The following LYPD6B variants were observed in gnomAD, a reference collection of about 807,000 sequenced individuals.
LYPD6B encodes the protein ly6/PLAUR domain-containing protein 6B.
Under a neutral mutation model 22.8 loss-of-function variants are expected in LYPD6B, and 17 were observed. The ratio of observed to expected loss-of-function variants is 0.75; its 90% CI spans 0.51 to 1.12. LYPD6B has a LOEUF of 1.12. Ranked by LOEUF, LYPD6B falls within the 50% of genes most tolerant of loss-of-function variation. The pLI, the probability that LYPD6B is intolerant of heterozygous loss-of-function variation, is 0.00. For missense variants in LYPD6B, 221 were observed against 258.3 expected (o/e 0.86, Z 0.99); for synonymous variants, 106 against 91.6 (o/e 1.16, Z -0.90).
chr2:149,149,185 G>A (rs890967337), intron 2 of LYPD6B, among the ~76,000 whole-genome samples: 2 of 152,118 alleles, frequency 1.3e-5, no homozygotes, highest in Non-Finnish European at 2.9e-5. Context: ...ACCATTAAAA[G>A]TAATGGCAAA....
At chr2:149,206,661 A>G (rs1015131212) in intron 4 of LYPD6B, among the ~76,000 whole-genome samples, 1 of 152,170 alleles carries the variant, frequency 6.6e-6, no homozygotes, top group Non-Finnish European at 1.5e-5. Flanking sequence ...CGGAAAACAT[A>G]TAGAAGAAAA....
At chr2:149,140,428 GCTAAGCGAGGTC>G (rs1264623350) in intron 2 of LYPD6B, among the ~76,000 whole-genome samples, 3 of 152,156 alleles carry the variant, frequency 2.0e-5, no homozygotes, top group Non-Finnish European at 4.4e-5. Flanking sequence ...ATAGGGTAGT[GCTAAGCGAGGTC>G]CAGAGAAGGT....
chr2:149,206,163 A>G (rs577928491), intron 4 of LYPD6B: 1 of 302,548 alleles, frequency 3.3e-6, no homozygotes, highest in East Asian at 8.4e-5. Context: ...GCATATCCCT[A>G]ATCACTTCTC....
Position 149,162,927 on chromosome 2 carries a change from G to A in LYPD6B, c.77+2092G>A, listed in dbSNP as rs116125530. On this transcript the variant is annotated intron_variant, in intron 3 of 6. Transcript: ENST00000409642. ...TGACTTGCTCCTACGTGATAAGTGC[G>A]GAGTTTCTGCTCACCATATGTGATA... 5.1e-3 allele frequency among the ~76,000 whole-genome samples: 778 copies of A among 152,160 alleles called. 8 individuals are homozygous for A. The highest frequency in any genetic ancestry group is 0.018 in the African/African-American group (752 of 41,514).
intron 1 of LYPD6B, among the ~76,000 whole-genome samples, chr2:149,113,605 G>C (rs1172399757): frequency 1.3e-5 from 2 of 152,106 alleles, no homozygotes; most frequent in African/African-American, 4.8e-5. Context: ...GCAAATGTAA[G>C]GTGCTTTCAT....
In LYPD6B at chr2:149,205,242, T is replaced by A; in HGVS notation, c.78-11T>A. On this transcript the variant is annotated splice_polypyrimidine_tract_variant and intron_variant, in intron 3 of 6. Transcript: ENST00000409642. ...ATAAAGAAACTGAACCAGTGTGTCT[T>A]TTCACCATAGATATAAGAGTTCGGA... is the stretch of plus-strand genomic sequence containing the variant. 1 of 1,597,300 alleles carries A rather than the reference T, an allele frequency of 6.3e-7. No individual in the cohort carries two copies. The highest frequency in any genetic ancestry group is 8.5e-7 in the Non-Finnish European group (1 of 1,175,186).
intron 1 of LYPD6B, among the ~76,000 whole-genome samples, chr2:149,063,779 A>T (rs1161542662): frequency 6.6e-6 from 1 of 152,252 alleles, no homozygotes; most frequent in Non-Finnish European, 1.5e-5. Flanking sequence ...AGCCGGAAAC[A>T]TAATATGTAT....
chr2:149,202,401 C>A (rs564122738), intron 3 of LYPD6B, among the ~76,000 whole-genome samples: 1 of 152,162 alleles, frequency 6.6e-6, no homozygotes, highest in Non-Finnish European at 1.5e-5. Flanking sequence ...CAAGCTTCTT[C>A]CCATCTTAGG....
chr2:149,210,132 A>G (rs1693755800), intron 5 of LYPD6B, among the ~76,000 whole-genome samples: 1 of 152,182 alleles, frequency 6.6e-6, no homozygotes, highest in African/African-American at 2.4e-5. Flanking sequence ...AATTGTACCA[A>G]AACACTGCTC....
At chr2:149,128,469 C>A (rs949974744) in intron 1 of LYPD6B, among the ~76,000 whole-genome samples, 1 of 152,210 alleles carries the variant, frequency 6.6e-6, no homozygotes, top group Non-Finnish European at 1.5e-5. Flanking sequence ...TTCCACATTA[C>A]TGTTGAGCAG....
rs567436281 is a variant in LYPD6B, at chr2:149,087,940, C to G, written c.-66-42943C>G. ...CAGGGTTTATAATTCTGGGCCACCA[C>G]TAGGGGGTAACGCTCATCTCACATC... is the stretch of plus-strand genomic sequence containing the variant. On this transcript the variant is annotated intron_variant, in intron 1 of 6. Transcript: ENST00000409642. Among the ~76,000 whole-genome samples the G allele has an allele frequency of 1.4e-3, 215 of 152,280 alleles. 1 individual carries two copies. Among genetic ancestry groups the G allele is most frequent in the Non-Finnish European group, 2.3e-3 (156 of 68,024 alleles).
chr2:149,189,221 G>A (rs1692319609), intron 3 of LYPD6B, among the ~76,000 whole-genome samples: 2 of 151,586 alleles, frequency 1.3e-5, no homozygotes, highest in African/African-American at 4.9e-5. Flanking sequence ...AAATGTAGTC[G>A]TGGGAGATAT....
At chr2:149,127,822 T>C (rs907288693) in intron 1 of LYPD6B, among the ~76,000 whole-genome samples, 4 of 152,172 alleles carry the variant, frequency 2.6e-5, no homozygotes, top group Admixed American at 1.3e-4. Context: ...TGGGCCTAAG[T>C]GTCAAATGAG....
At chr2:149,155,883 T>C (rs1478594322) in intron 2 of LYPD6B, among the ~76,000 whole-genome samples, 1 of 152,198 alleles carries the variant, frequency 6.6e-6, no homozygotes, top group South Asian at 2.1e-4. Context: ...TGTGAACTCT[T>C]CCAGTGAAGG....
chr2:149,097,352 T>A (rs1685951360), intron 1 of LYPD6B, among the ~76,000 whole-genome samples: 1 of 152,232 alleles, frequency 6.6e-6, no homozygotes, highest in Admixed American at 6.5e-5. Context: ...GGGAGGAACA[T>A]CCTTTTGTGT....
At chr2:149,078,114 CA>C in intron 1 of LYPD6B, among the ~76,000 whole-genome samples, 1 of 152,178 alleles carries the variant, frequency 6.6e-6, no homozygotes, top group East Asian at 1.9e-4. Context: ...ACTGTCAGGC[CA>C]GGGGTCACAG....
At position 149,090,945 on chromosome 2, in the gene LYPD6B, T is replaced by C. The variant is rs573086358; in HGVS notation, c.-66-39938T>C. Among the ~76,000 whole-genome samples the C allele has an allele frequency of 1.6e-4, 25 of 152,322 alleles. No homozygotes were observed. In the East Asian group the frequency reaches 4.8e-3, roughly 29 times the overall value. On this transcript the variant is annotated intron_variant, in intron 1 of 6. Coordinates refer to ENST00000409642, the MANE Select transcript of LYPD6B (RefSeq NM_177964.5). ...CACTTTTCCCATGAGTTTTGTGTGG[T>C]TACTTTTTTTTGAATTTGTTCTGGT... is the stretch of plus-strand genomic sequence containing the variant.
At chr2:149,108,168 C>T (rs763956648) in intron 1 of LYPD6B, among the ~76,000 whole-genome samples, 4 of 152,260 alleles carry the variant, frequency 2.6e-5, no homozygotes, top group East Asian at 1.9e-4. Context: ...CTTGCACAAG[C>T]TCTGTCTGTT....
chr2:149,089,154 A>G (rs563559312), intron 1 of LYPD6B, among the ~76,000 whole-genome samples: 2 of 152,374 alleles, frequency 1.3e-5, no homozygotes, highest in East Asian at 3.9e-4. Flanking sequence ...GTTATTTTTC[A>G]ATATTGAAAG....
Sources: allele counts gnomAD v4.1 joint callset (sites outside exome capture counted in the v4.1 genomes callset), GRCh38; gene constraint gnomAD v4.1.1; transcripts MANE v1.5; gene names NCBI Gene and HGNC (gene_info 2026-07-23, HGNC 2026-07-21).